Variants in NUBPL observed in about 807,000 individuals in gnomAD.
NUBPL encodes iron-sulfur cluster transfer protein NUBPL.
In NUBPL, 31 loss-of-function variants were observed where a neutral mutation model predicts 45.7. The ratio of observed to expected loss-of-function variants is 0.68; its 90% confidence interval spans 0.51 to 0.92. The LOEUF (loss-of-function observed/expected upper bound fraction) is 0.92, where lower values mean the gene tolerates loss of function less well. NUBPL is among the 40% of genes least tolerant of loss of function. The probability of loss-of-function intolerance (pLI) is 0.00; values close to 1 mark genes in which losing one functional copy is unlikely to be tolerated. For missense variants in NUBPL, 401 were observed against 398.7 expected, an observed-to-expected ratio of 1.01 and a Z score of -0.05; for synonymous variants, 144 against 140.9, an observed-to-expected ratio of 1.02 and a Z score of -0.15.
At chr14:31,616,192 G>T (rs2034894088) in intron 4 of NUBPL, among the ~76,000 whole-genome samples, 1 of 152,054 alleles carries the variant, frequency 6.6e-6, no homozygotes. Flanking sequence ...TTAGCCCTTT[G>T]TCAGATGGAT....
intron 6 of NUBPL, among the ~76,000 whole-genome samples, chr14:31,736,173 G>C (rs1002679320): frequency 6.6e-6 from 1 of 152,252 alleles, no homozygotes; most frequent in East Asian, 1.9e-4. Flanking sequence ...AAGCCAAATT[G>C]CTTCCCAAAA....
chr14:31,600,206 G>A lies in NUBPL; in HGVS notation c.382+827G>A, dbSNP rs147533932. Among the ~76,000 whole-genome samples, 1,308 of 152,186 alleles carry A rather than the reference G, an allele frequency of 8.6e-3. 10 individuals carry two copies. Among genetic ancestry groups the A allele is most frequent in the Non-Finnish European group, 0.014 (948 of 67,982 alleles). On this transcript the variant is annotated intron_variant, in intron 4 of 10. Coordinates refer to ENST00000281081, the MANE Select transcript of NUBPL (RefSeq NM_025152.3). The stretch of plus-strand genomic sequence containing the variant: ...AAAAATGCTGGGATTACAGGTGTGA[G>A]CCACTACACCTGGCCCACTAATTTT...
At chr14:31,718,535 C>T (rs2037737580) in intron 6 of NUBPL, among the ~76,000 whole-genome samples, 1 of 152,012 alleles carries the variant, frequency 6.6e-6, no homozygotes, top group South Asian at 2.1e-4. Context: ...TTTCTTAAGA[C>T]AAGTACAGCC....
chr14:31,621,220 C>T (rs577286267), intron 4 of NUBPL, among the ~76,000 whole-genome samples: 4 of 152,278 alleles, frequency 2.6e-5, no homozygotes, highest in Admixed American at 2.0e-4. Flanking sequence ...TGCTGGGCTC[C>T]GTGGGGTGGG....
At chr14:31,653,561 A>G (rs1387177077) in intron 4 of NUBPL, among the ~76,000 whole-genome samples, 2 of 152,192 alleles carry the variant, frequency 1.3e-5, no homozygotes, top group African/African-American at 4.8e-5. Context: ...GTCAGACCTT[A>G]TGGTTGTCTT....
rs2040673064 is a variant in NUBPL at position 31,859,177 on chromosome 14, A to G, written c.957A>G (p.Glu319=). 4 of 1,613,734 alleles carry G rather than the reference A, an allele frequency of 2.5e-6. No homozygotes were observed. The highest frequency in any genetic ancestry group is 2.2e-5 in the East Asian group (1 of 44,818). ...EVVRRLPSPS[E] is the part of the protein sequence containing the mutation. ...TAAGAAGATTGCCATCACCTTCAGA[A>G]TGATTCCCCAAGTGTCCTGGAAATT... Residue 319 remains glutamate (E), a synonymous_variant, in exon 11 of 11, where the codon GAA becomes GAG. Coordinates refer to ENST00000281081, the MANE Select transcript of NUBPL (RefSeq NM_025152.3).
intron 8 of NUBPL, among the ~76,000 whole-genome samples, chr14:31,830,264 A>G (rs779051706): frequency 5.3e-5 from 8 of 152,224 alleles, no homozygotes; most frequent in Non-Finnish European, 1.0e-4. Flanking sequence ...CTATAAGCAA[A>G]GTGCTATAAT....
At chr14:31,727,255 A>G (rs1010638933) in intron 6 of NUBPL, among the ~76,000 whole-genome samples, 1 of 152,172 alleles carries the variant, frequency 6.6e-6, no homozygotes, top group Non-Finnish European at 1.5e-5. Flanking sequence ...ACGTATTTCT[A>G]ATTTGTTTTG....
chr14:31,857,650 G>T (rs910228910), intron 10 of NUBPL, among the ~76,000 whole-genome samples: 1 of 152,128 alleles, frequency 6.6e-6, no homozygotes, highest in Admixed American at 6.5e-5. Context: ...CAAATTCAAA[G>T]TTCCACAAAT....
intron 8 of NUBPL, among the ~76,000 whole-genome samples, chr14:31,837,165 TA>T (rs2040294419): frequency 6.6e-6 from 1 of 151,972 alleles, no homozygotes; most frequent in South Asian, 2.1e-4. Context: ...CTACAAAAAA[TA>T]AAAAATTAGC....
chr14:31,614,716 G>A (rs78961212), intron 4 of NUBPL, among the ~76,000 whole-genome samples: 1 of 152,248 alleles, frequency 6.6e-6, no homozygotes, highest in Admixed American at 6.5e-5. Flanking sequence ...ACTGTCTTTT[G>A]TGTAGTTAGT....
intron 6 of NUBPL, among the ~76,000 whole-genome samples, chr14:31,739,215 A>G (rs1027815519): frequency 6.9e-5 from 3 of 43,612 alleles, no homozygotes; most frequent in Non-Finnish European, 1.6e-4. Context: ...TATATATATT[A>G]TATTATATAT....
At chr14:31,818,626 G>C (rs1030123350) in intron 7 of NUBPL, among the ~76,000 whole-genome samples, 1 of 152,130 alleles carries the variant, frequency 6.6e-6, no homozygotes, top group Admixed American at 6.5e-5. Flanking sequence ...TCGGCTTACT[G>C]CAAGCTCCGC....
At chr14:31,631,830 C>G (rs11624371) in intron 4 of NUBPL, among the ~76,000 whole-genome samples, 1 of 152,098 alleles carries the variant, frequency 6.6e-6, no homozygotes, top group Non-Finnish European at 1.5e-5. Context: ...GGCGGGCAAC[C>G]TGAATTACTT....
intron 6 of NUBPL, among the ~76,000 whole-genome samples, chr14:31,781,664 T>A (rs1299098864): frequency 6.6e-6 from 1 of 152,242 alleles, no homozygotes; most frequent in Non-Finnish European, 1.5e-5. Flanking sequence ...TTATAAGTTC[T>A]GTGCTTTAAT....
At chr14:31,666,150 C>T (rs565139595) in intron 4 of NUBPL, among the ~76,000 whole-genome samples, 1 of 147,222 alleles carries the variant, frequency 6.8e-6, no homozygotes, top group Admixed American at 6.9e-5. Flanking sequence ...GAATACAGTA[C>T]ACTGATGGGT....
At chr14:31,727,555 T>A (rs111867054) in intron 6 of NUBPL, among the ~76,000 whole-genome samples, 1 of 152,182 alleles carries the variant, frequency 6.6e-6, no homozygotes, top group South Asian at 2.1e-4. Flanking sequence ...TTTAAAGTTA[T>A]GTATATTTTA....
intron 4 of NUBPL, among the ~76,000 whole-genome samples, chr14:31,605,638 C>G (rs1008267105): frequency 7.2e-5 from 11 of 152,178 alleles, no homozygotes; most frequent in African/African-American, 2.7e-4. Flanking sequence ...GGAAAATCAG[C>G]TTGAGCAAAT....
intron 4 of NUBPL, among the ~76,000 whole-genome samples, chr14:31,639,129 G>A (rs1224036104): frequency 6.6e-6 from 1 of 152,172 alleles, no homozygotes. Flanking sequence ...TTGCTGGTGA[G>A]GAACTGCATT....
Sources: allele counts gnomAD v4.1 joint callset (sites outside exome capture counted in the v4.1 genomes callset), GRCh38; gene constraint gnomAD v4.1.1; transcripts MANE v1.5; gene names NCBI Gene and HGNC (gene_info 2026-07-23, HGNC 2026-07-21).